LY96: variants seen among roughly 807,000 people sequenced by gnomAD.
LY96 encodes the protein lymphocyte antigen 96.
In LY96, 18 loss-of-function variants were observed where a neutral mutation model predicts 18.9. That is an observed-to-expected ratio of 0.95 (90% CI 0.66 to 1.41). The LOEUF (loss-of-function observed/expected upper bound fraction) is 1.41, where lower values mean the gene tolerates loss of function less well. LY96 is among the 40% of genes most tolerant of loss of function. LY96 has a pLI of 0.00. For missense variants in LY96, 175 were observed against 182.4 expected, an observed-to-expected ratio of 0.96 and a Z score of 0.23; for synonymous variants, 66 against 62.6, an observed-to-expected ratio of 1.06 and a Z score of -0.26.
the LY96 span, among the ~76,000 whole-genome samples, chr8:74,056,894 C>T: frequency 6.6e-6 from 1 of 152,088 alleles, no homozygotes; most frequent in African/African-American, 2.4e-5. Context: ...GATTTCTGAC[C>T]CCACAGAACT....
At chr8:74,083,359 C>T in the LY96 span, among the ~76,000 whole-genome samples, 8 of 152,132 alleles carry the variant, frequency 5.3e-5, no homozygotes, top group East Asian at 1.9e-4. Flanking sequence ...AGATTACAGG[C>T]GCCCGCCACC....
At chr8:74,029,603 G>A (rs1268682548), downstream of LY96, among the ~76,000 whole-genome samples, 1 of 152,114 alleles carries the variant, frequency 6.6e-6, no homozygotes, top group Non-Finnish European at 1.5e-5. Flanking sequence ...TGCCATGATT[G>A]TTTCCTGAGG....
chr8:74,077,352 T>C, the LY96 span, among the ~76,000 whole-genome samples: 1 of 152,194 alleles, frequency 6.6e-6, no homozygotes, highest in Admixed American at 6.5e-5. Context: ...TTCCAAGGGT[T>C]TTAGGAGTTT....
the LY96 span, among the ~76,000 whole-genome samples, chr8:74,051,827 G>T: frequency 5.9e-5 from 9 of 152,254 alleles, no homozygotes; most frequent in Non-Finnish European, 8.8e-5. Context: ...CCAGAATTGG[G>T]AGAAATAAAT....
intron 1 of LY96, among the ~76,000 whole-genome samples, chr8:73,998,311 T>C (rs922704139): frequency 6.6e-6 from 1 of 152,138 alleles, no homozygotes; most frequent in Non-Finnish European, 1.5e-5. Context: ...ACAAAATATA[T>C]GTTTCTTATT....
At chr8:73,998,847 T>C (rs1237169059) in intron 1 of LY96, among the ~76,000 whole-genome samples, 1 of 152,260 alleles carries the variant, frequency 6.6e-6, no homozygotes, top group Non-Finnish European at 1.5e-5. Flanking sequence ...TTAATGTCTT[T>C]GATCAATTTA....
chr8:74,083,859 T>C, the LY96 span, among the ~76,000 whole-genome samples: 3 of 145,278 alleles, frequency 2.1e-5, no homozygotes, highest in African/African-American at 7.6e-5. Flanking sequence ...GCCTGGCTAA[T>C]TTTTTTTTTT....
chr8:74,010,727 G>C (rs1276652331), intron 3 of LY96, among the ~76,000 whole-genome samples: 1 of 151,800 alleles, frequency 6.6e-6, no homozygotes, highest in Non-Finnish European at 1.5e-5. Context: ...TCCTTCTTTT[G>C]TTATGAATTT....
chr8:74,058,677 G>T, the LY96 span, among the ~76,000 whole-genome samples: 1 of 152,020 alleles, frequency 6.6e-6, no homozygotes, highest in Non-Finnish European at 1.5e-5. Flanking sequence ...GTGCCATGAC[G>T]CTGGGCTAAT....
intron 4 of LY96, 43 bp from the exon 5 acceptor site, chr8:74,028,913 T>A (rs766407809): frequency 8.7e-7 from 1 of 1,147,356 alleles, no homozygotes; most frequent in South Asian, 1.3e-5. Context: ...AATAGTAGCA[T>A]CTAACATTTT....
chr8:74,053,276 C>T, the LY96 span, among the ~76,000 whole-genome samples: 196 of 152,324 alleles, frequency 1.3e-3, no homozygotes, highest in Non-Finnish European at 2.4e-3. Flanking sequence ...AATTCCTACT[C>T]TCAATGTCTT....
chr8:74,054,182 A>C, the LY96 span, among the ~76,000 whole-genome samples: 1 of 152,016 alleles, frequency 6.6e-6, no homozygotes, highest in Non-Finnish European at 1.5e-5. Flanking sequence ...GTGTGTCACC[A>C]TGCCCAACTA....
At chr8:74,095,602 C>T in the LY96 span, among the ~76,000 whole-genome samples, 3 of 152,328 alleles carry the variant, frequency 2.0e-5, no homozygotes, top group East Asian at 3.9e-4. Flanking sequence ...GCAGCAGCAG[C>T]CGACACAGTC....
intron 1 of LY96, among the ~76,000 whole-genome samples, chr8:73,998,347 C>T (rs12546519): frequency 0.3 from 44,842 of 151,676 alleles, 6,828 homozygotes; most frequent in Admixed American, 0.36. Flanking sequence ...AAATTCTGTA[C>T]ACATTTTATA....
chr8:74,093,503 T>G, the LY96 span, among the ~76,000 whole-genome samples: 13 of 152,368 alleles, frequency 8.5e-5, no homozygotes, highest in Admixed American at 3.3e-4. Context: ...ATATGAATCC[T>G]AAAAGTTTAG....
chr8:74,073,054 A>G, the LY96 span, among the ~76,000 whole-genome samples: 1 of 152,222 alleles, frequency 6.6e-6, no homozygotes, highest in Non-Finnish European at 1.5e-5. Context: ...TAAAAGACAG[A>G]CGGAAATTAG....
the LY96 span, among the ~76,000 whole-genome samples, chr8:74,034,196 C>G: frequency 5.9e-5 from 9 of 152,094 alleles, no homozygotes; most frequent in African/African-American, 7.2e-5. Context: ...CATGGAGAAA[C>G]CTCATCTCTA....
the LY96 span, among the ~76,000 whole-genome samples, chr8:74,054,617 CTTCTTTCTTTCTTTCTTTCT>C: frequency 3.1e-4 from 22 of 70,098 alleles, no homozygotes; most frequent in Middle Eastern, 6.8e-3. Context: ...TTTCCTTTTC[CTTCTTTCTTTCTTTCTTTCT>C]TTCTTTCTTT....
the LY96 span, among the ~76,000 whole-genome samples, chr8:74,094,762 G>A: frequency 3.9e-5 from 6 of 152,264 alleles, no homozygotes; most frequent in African/African-American, 1.4e-4. Flanking sequence ...AAAGCAATTG[G>A]TAATTGCTAA....
Sources: gnomAD v4.1 joint callset for allele counts (sites outside exome capture counted in the v4.1 genomes callset) on GRCh38, gnomAD v4.1.1 for gene constraint, MANE v1.5 for transcripts, NCBI Gene and HGNC (gene_info 2026-07-23, HGNC 2026-07-21) for gene names.